The following PALM2AKAP2 variants were observed in gnomAD, a reference collection of about 807,000 sequenced individuals.
PALM2AKAP2 encodes PALM2-AKAP2 fusion protein.
Under a neutral mutation model 71.5 loss-of-function variants are expected in PALM2AKAP2, and 37 were observed. That is an observed-to-expected ratio of 0.52 (90% CI 0.40 to 0.68). PALM2AKAP2 has a LOEUF of 0.68. PALM2AKAP2 is among the 30% of genes least tolerant of loss of function. The pLI is 0.00. For synonymous variants in PALM2AKAP2, 468 were observed against 478.8 expected (o/e 0.98, Z 0.29); for missense variants, 1,224 against 1,191.8 (o/e 1.03, Z -0.40).
intron 1 of PALM2AKAP2, among the ~76,000 whole-genome samples, chr9:110,082,912 TG>T (rs1455327014): frequency 6.6e-6 from 1 of 151,958 alleles, no homozygotes; most frequent in Non-Finnish European, 1.5e-5. Flanking sequence ...GAGGCTGAGG[TG>T]GGCGGATCAC....
In PALM2AKAP2 at chr9:109,829,195, C is replaced by G. The variant is rs553690130; in HGVS notation, c.46-38296C>G. Among the ~76,000 whole-genome samples, 3 of 152,316 alleles carry G rather than the reference C, an allele frequency of 2.0e-5. No individual in the cohort carries two copies. In the East Asian group the frequency reaches 5.8e-4, roughly 29 times the overall value. ...GGTTGTTTGCATAGGCTGTCTCTCC[C>G]TGAGACGCTCACCTCACTTCTCTAT... On this transcript the variant is annotated intron_variant, in intron 1 of 9. Coordinates refer to the PALM2AKAP2 transcript ENST00000302798.
At chr9:109,690,865 G>A (rs954607881) in intron 1 of PALM2AKAP2, among the ~76,000 whole-genome samples, 1 of 152,114 alleles carries the variant, frequency 6.6e-6, no homozygotes, top group African/African-American at 2.4e-5. Flanking sequence ...TTCTGTGACA[G>A]CAATTCTGCT....
At chr9:109,669,435 G>T (rs756179557) in intron 1 of PALM2AKAP2, among the ~76,000 whole-genome samples, 2 of 151,736 alleles carry the variant, frequency 1.3e-5, no homozygotes, top group Non-Finnish European at 2.9e-5. Context: ...TCAAATTTTG[G>T]TTCAGAGTTA....
chr9:109,680,280 A>T (rs1045295145), intron 1 of PALM2AKAP2, among the ~76,000 whole-genome samples: 1 of 152,224 alleles, frequency 6.6e-6, no homozygotes, highest in Non-Finnish European at 1.5e-5. Context: ...AGGCCCAGAG[A>T]TACGTACAGA....
intron 1 of PALM2AKAP2, among the ~76,000 whole-genome samples, chr9:109,722,407 A>G (rs1297935824): frequency 2.0e-5 from 3 of 152,150 alleles, no homozygotes; most frequent in Non-Finnish European, 4.4e-5. Context: ...TAGGAGTGGG[A>G]GGGGAACTTT....
chr9:109,654,729 G>T (rs553545678), intron 1 of PALM2AKAP2, among the ~76,000 whole-genome samples: 1 of 142,932 alleles, frequency 7.0e-6, no homozygotes, highest in Non-Finnish European at 1.5e-5. Flanking sequence ...ACAAATTAGA[G>T]GTGCCTGTAT....
At chr9:109,874,324 CA>C (rs1030560230) in intron 2 of PALM2AKAP2, among the ~76,000 whole-genome samples, 3 of 151,530 alleles carry the variant, frequency 2.0e-5, no homozygotes, top group Admixed American at 6.6e-5. Context: ...CCTATTTGAG[CA>C]AAAAAGAAAA....
chr9:110,046,030 G>A (rs549763083), upstream of PALM2AKAP2, among the ~76,000 whole-genome samples: 59 of 152,222 alleles, frequency 3.9e-4, no homozygotes, highest in South Asian at 0.012. Context: ...CCCCCTAATC[G>A]TGACAATAAG....
intron 1 of PALM2AKAP2, among the ~76,000 whole-genome samples, chr9:109,708,691 G>A (rs1828180917): frequency 6.6e-6 from 1 of 152,176 alleles, no homozygotes; most frequent in South Asian, 2.1e-4. Context: ...TTTTGCACAT[G>A]AGCATTCTTA....
At position 110,061,791 on chromosome 9, in the gene PALM2AKAP2, G is replaced by T. The variant is rs190409907; in HGVS notation, c.156+12936G>T. Among the ~76,000 whole-genome samples, 226 of 140,658 alleles carry T rather than the reference G, an allele frequency of 1.6e-3. 6 individuals carry two copies. In the East Asian group the frequency reaches 0.041, roughly 26 times the overall value. The allele number at this position is 140,658 out of a possible 152,430, so 92.3% of individuals were successfully genotyped here. Reference sequence around the variant, plus strand: ...TGAGCTCCAGTAATCTGCCTGCCTCGGCCTCCCAAAGTGCTGGGATTATAG... The same window carrying T: ...TGAGCTCCAGTAATCTGCCTGCCTCTGCCTCCCAAAGTGCTGGGATTATAG... On this transcript the variant is annotated intron_variant, in intron 1 of 3. Transcript: ENST00000374525.
At chr9:109,831,321 G>C (rs1309399820) in intron 1 of PALM2AKAP2, among the ~76,000 whole-genome samples, 3 of 152,114 alleles carry the variant, frequency 2.0e-5, no homozygotes, top group Non-Finnish European at 4.4e-5. Context: ...CCCCACCAGG[G>C]TCCGGAGAGT....
At chr9:109,960,988 G>C (rs1397418751) in intron 6 of PALM2AKAP2, among the ~76,000 whole-genome samples, 5 of 152,208 alleles carry the variant, frequency 3.3e-5, no homozygotes, top group African/African-American at 1.2e-4. Flanking sequence ...AGTTCTGGCT[G>C]GTGGGAATGG....
At chr9:110,090,062 G>T (rs1834670097) in intron 1 of PALM2AKAP2, 1 of 201,110 alleles carries the variant, frequency 5.0e-6, no homozygotes, top group African/African-American at 2.3e-5. Flanking sequence ...TAGTAGCTGT[G>T]TAAACGTAAA....
At chr9:109,906,415 T>G (rs1830447033) in intron 3 of PALM2AKAP2, among the ~76,000 whole-genome samples, 1 of 152,140 alleles carries the variant, frequency 6.6e-6, no homozygotes, top group Non-Finnish European at 1.5e-5. Context: ...GCCAGGCTGG[T>G]CTTGAACTCC....
intron 1 of PALM2AKAP2, among the ~76,000 whole-genome samples, chr9:109,812,685 A>G (rs1456538550): frequency 6.6e-6 from 1 of 152,156 alleles, no homozygotes; most frequent in African/African-American, 2.4e-5. Context: ...GCAAATGGAA[A>G]CCACAGGTCC....
upstream of PALM2AKAP2, chr9:110,048,671 G>T: frequency 6.7e-7 from 1 of 1,501,232 alleles, no homozygotes; most frequent in Non-Finnish European, 8.8e-7. Context: ...CCGCCCTCCA[G>T]CGCGCCCGGA....
chr9:110,047,211 G>C (rs572733199), upstream of PALM2AKAP2, among the ~76,000 whole-genome samples: 21 of 152,294 alleles, frequency 1.4e-4, no homozygotes, highest in African/African-American at 5.1e-4. Context: ...AGGCAAAAAG[G>C]ATCGTGAAAC....
chr9:109,666,280 A>G (rs1220923600), intron 1 of PALM2AKAP2, among the ~76,000 whole-genome samples: 2 of 152,190 alleles, frequency 1.3e-5, no homozygotes, highest in South Asian at 2.1e-4. Flanking sequence ...TGATCATGCT[A>G]GGAGCTGCAG....
intron 1 of PALM2AKAP2, among the ~76,000 whole-genome samples, chr9:109,682,689 T>C (rs528858943): frequency 3.8e-4 from 58 of 152,340 alleles, no homozygotes; most frequent in Non-Finnish European, 7.1e-4. Flanking sequence ...AACATTTTTC[T>C]CTGTCAGGTT....
Sources: gnomAD v4.1 joint callset for allele counts (sites outside exome capture counted in the v4.1 genomes callset) on GRCh38, gnomAD v4.1.1 for gene constraint, MANE v1.5 for transcripts, NCBI Gene and HGNC (gene_info 2026-07-23, HGNC 2026-07-21) for gene names.